SCHIP1: variants seen among roughly 807,000 people sequenced by gnomAD.
The protein encoded by SCHIP1 is schwannomin interacting protein 1.
A neutral mutation model predicts 29.7 loss-of-function variants in SCHIP1; 8 were observed. That is an observed-to-expected ratio of 0.27 (90% CI 0.16 to 0.49). The LOEUF is 0.49. Among genes scored for constraint, SCHIP1 ranks in the 20% least tolerant of loss-of-function variants. The pLI is 0.99. For synonymous variants in SCHIP1, 76 were observed against 94.9 expected, an observed-to-expected ratio of 0.80 and a Z score of 1.16; for missense variants, 193 against 294.6, an observed-to-expected ratio of 0.66 and a Z score of 2.52.
chr3:159,633,560 A>G, the SCHIP1 span, among the ~76,000 whole-genome samples: 2 of 152,044 alleles, frequency 1.3e-5, no homozygotes, highest in Non-Finnish European at 2.9e-5. Context: ...ATGACATCAG[A>G]CTCTTCAATA....
chr3:159,541,013 T>C, the SCHIP1 span, among the ~76,000 whole-genome samples: 2 of 152,046 alleles, frequency 1.3e-5, no homozygotes, highest in Non-Finnish European at 2.9e-5. Context: ...CACATTGCTT[T>C]GATAAAATAC....
chr3:159,892,561 C>T, intron 6 of SCHIP1: 1 of 422,500 alleles, frequency 2.4e-6, no homozygotes, highest in Non-Finnish European at 4.2e-6. Flanking sequence ...ATGAGTTCTC[C>T]AAAGCACAAG....
the SCHIP1 span, among the ~76,000 whole-genome samples, chr3:159,446,728 A>C: frequency 6.6e-6 from 1 of 152,194 alleles, no homozygotes; most frequent in Non-Finnish European, 1.5e-5. Flanking sequence ...AAATCCTCTC[A>C]ATACTGTCAA....
chr3:159,836,045 C>T (rs1743637732), upstream of SCHIP1, among the ~76,000 whole-genome samples: 1 of 152,200 alleles, frequency 6.6e-6, no homozygotes, highest in African/African-American at 2.4e-5. Context: ...TTCACTCTTA[C>T]TTTATGATAG....
At chr3:159,482,800 G>T in the SCHIP1 span, among the ~76,000 whole-genome samples, 1 of 151,936 alleles carries the variant, frequency 6.6e-6, no homozygotes, top group African/African-American at 2.4e-5. Flanking sequence ...TACCACCTCG[G>T]GATAAGCATG....
At chr3:159,280,713 T>A in the SCHIP1 span, among the ~76,000 whole-genome samples, 1 of 152,200 alleles carries the variant, frequency 6.6e-6, no homozygotes, top group Non-Finnish European at 1.5e-5. Flanking sequence ...ACATTAGCTT[T>A]GAGGGCTTTT....
the SCHIP1 span, among the ~76,000 whole-genome samples, chr3:159,681,574 A>G: frequency 6.6e-6 from 1 of 152,214 alleles, no homozygotes; most frequent in Non-Finnish European, 1.5e-5. Context: ...TTCTATAAAC[A>G]TTACCCATAT....
the SCHIP1 span, among the ~76,000 whole-genome samples, chr3:159,780,811 C>T: frequency 2.0e-5 from 3 of 152,328 alleles, no homozygotes; most frequent in East Asian, 3.9e-4. Context: ...CATAGGGATT[C>T]GACCTGTGAC....
the SCHIP1 span, among the ~76,000 whole-genome samples, chr3:159,307,096 G>A: frequency 1.3e-5 from 2 of 152,126 alleles, no homozygotes; most frequent in South Asian, 4.1e-4. Flanking sequence ...CAAAAATAGG[G>A]AAAAGGTTAA....
At chr3:159,327,243 G>A in the SCHIP1 span, among the ~76,000 whole-genome samples, 4 of 152,300 alleles carry the variant, frequency 2.6e-5, no homozygotes, top group South Asian at 8.3e-4. Flanking sequence ...GGGGCAAGTA[G>A]TAACTTGTCC....
chr3:159,454,881 G>A, the SCHIP1 span, among the ~76,000 whole-genome samples: 2 of 152,164 alleles, frequency 1.3e-5, no homozygotes, highest in African/African-American at 2.4e-5. Context: ...TTTGTATATC[G>A]TGTATTTAAG....
chr3:159,614,134 G>A, the SCHIP1 span, among the ~76,000 whole-genome samples: 3 of 152,142 alleles, frequency 2.0e-5, no homozygotes, highest in African/African-American at 7.2e-5. Flanking sequence ...TCTAGGATTT[G>A]AATATAAGTA....
At chr3:159,533,738 C>A in the SCHIP1 span, among the ~76,000 whole-genome samples, 3 of 152,170 alleles carry the variant, frequency 2.0e-5, no homozygotes, top group Non-Finnish European at 4.4e-5. Flanking sequence ...GCAATGGATT[C>A]TTAACCCTGC....
At chr3:159,511,250 C>T in the SCHIP1 span, among the ~76,000 whole-genome samples, 6 of 152,212 alleles carry the variant, frequency 3.9e-5, no homozygotes, top group South Asian at 2.1e-4. Flanking sequence ...GCTCCATGGG[C>T]GTTGGACCCT....
the SCHIP1 span, among the ~76,000 whole-genome samples, chr3:159,497,156 A>C: frequency 6.6e-6 from 1 of 152,076 alleles, no homozygotes; most frequent in Non-Finnish European, 1.5e-5. Context: ...CTAAATGACG[A>C]GTTAATGGCT....
At chr3:159,348,085 A>C in the SCHIP1 span, among the ~76,000 whole-genome samples, 41 of 152,204 alleles carry the variant, frequency 2.7e-4, no homozygotes, top group Non-Finnish European at 7.4e-5. Context: ...TAGTGAAATG[A>C]AATTGATTTG....
the SCHIP1 span, among the ~76,000 whole-genome samples, chr3:159,395,626 G>T: frequency 6.6e-5 from 10 of 152,158 alleles, no homozygotes; most frequent in Admixed American, 1.3e-4. Flanking sequence ...GTAGTTGAGT[G>T]GTTTTGAGTG....
chr3:159,660,331 C>A, the SCHIP1 span, among the ~76,000 whole-genome samples: 1 of 152,146 alleles, frequency 6.6e-6, no homozygotes, highest in African/African-American at 2.4e-5. Flanking sequence ...GCTTTAGTAC[C>A]TTTTCCTCAT....
At chr3:159,372,844 G>A in the SCHIP1 span, among the ~76,000 whole-genome samples, 1 of 152,014 alleles carries the variant, frequency 6.6e-6, no homozygotes, top group Non-Finnish European at 1.5e-5. Context: ...GCAATTACAT[G>A]TTGTTTACAG....
Sources: gnomAD v4.1 joint callset for allele counts (sites outside exome capture counted in the v4.1 genomes callset) on GRCh38, gnomAD v4.1.1 for gene constraint, MANE v1.5 for transcripts, NCBI Gene and HGNC (gene_info 2026-07-23, HGNC 2026-07-21) for gene names.